ZNF761: variants seen among roughly 807,000 people sequenced by gnomAD.
ZNF761 encodes zinc finger protein 761.
Under a neutral mutation model 59.9 loss-of-function variants are expected in ZNF761, and 43 were observed. That is an observed-to-expected ratio of 0.72 (90% CI 0.56 to 0.92). The LOEUF (loss-of-function observed/expected upper bound fraction) is 0.92, where lower values mean the gene tolerates loss of function less well. Among genes scored for constraint, ZNF761 ranks in the 40% least tolerant of loss-of-function variants. The probability of loss-of-function intolerance (pLI) is 0.00; values close to 1 mark genes in which losing one functional copy is unlikely to be tolerated. For synonymous variants in ZNF761, 294 were observed against 304.8 expected (o/e 0.96, Z 0.37); for missense variants, 850 against 906.1 (o/e 0.94, Z 0.79).
In ZNF761 at chr19:53,456,675, G is replaced by A; in HGVS notation, c.2168G>A (p.Cys723Tyr). The change falls in exon 5 of 5, where the codon TGT becomes TAT. Residue 723 changes from cysteine to tyrosine, a missense_variant. Cys to Tyr is a radical substitution (Grantham distance 194). Transcript: ENST00000684525. Reference sequence around the variant, plus strand: ...GAGAAACCTTACAAGTGTAATGAGTGTGGCAAGACCTTTAGTCAGAAGTCA... The same window carrying A: ...GAGAAACCTTACAAGTGTAATGAGTATGGCAAGACCTTTAGTCAGAAGTCA... ...TGEKPYKCNE[C>Y]GKTFSQKSNL... 6.2e-7 allele frequency: 1 copy of A among 1,614,010 alleles called. No homozygotes were observed. The highest frequency in any genetic ancestry group is 1.1e-5 in the South Asian group (1 of 91,068).
chr19:53,456,376 C>G lies in ZNF761; in HGVS notation c.1869C>G (p.Cys623Trp), dbSNP rs530565925. 2.5e-6 allele frequency: 4 copies of G among 1,614,000 alleles called. No homozygotes were observed. Among genetic ancestry groups the G allele is most frequent in the Non-Finnish European group, 2.5e-6 (3 of 1,179,958 alleles). The change falls in exon 5 of 5, where the codon TGC becomes TGG. Residue 623 changes from cysteine to tryptophan, a missense_variant. Cys to Trp is a radical substitution (Grantham distance 215). Coordinates refer to ENST00000684525, the MANE Select transcript of ZNF761 (RefSeq NM_001289951.2). ...TCAGTCGGACGTCATCCCTTACATG[C>G]CATCGTAGACTTCATACCGGAGAGA... Reference protein sequence around the residue: ...KTFSRTSSLTCHRRLHTGEKP... With the variant: ...KTFSRTSSLTWHRRLHTGEKP...
chr19:53,444,315 G>T (rs1284610165), intron 1 of ZNF761: 1 of 152,218 alleles, frequency 6.6e-6, no homozygotes, highest in Non-Finnish European at 1.5e-5. Context: ...AAACCTGATT[G>T]TACATTCTAT....
rs951030903 is a variant in ZNF761, at chr19:53,456,954, AAGAC to A, written c.*209_*212del. On this transcript the variant is annotated 3_prime_UTR_variant, in exon 5 of 5. Transcript: ENST00000684525. ...TTTACAGTCGCACATCAAACCGTGA[AAGAC>A]AGGAGAATTCATACTGGAGAGAAAC... The A allele has an allele frequency of 2.2e-5, 16 of 717,720 alleles. No individual in the cohort carries two copies. In the East Asian group the frequency reaches 3.0e-4, roughly 13 times the overall value. The allele number at this position is 717,720 out of a possible 1,614,324, so 44.5% of individuals were successfully genotyped here.
chr19:53,450,748 G>A (rs1457001646), intron 4 of ZNF761, among the ~76,000 whole-genome samples: 2 of 152,102 alleles, frequency 1.3e-5, no homozygotes, highest in African/African-American at 4.8e-5. Context: ...TGTAATCCCA[G>A]CACTTTGGGA....
chr19:53,438,994 C>T (rs1015905184), intron 1 of ZNF761, among the ~76,000 whole-genome samples: 70 of 152,010 alleles, frequency 4.6e-4, no homozygotes, highest in African/African-American at 1.6e-3. Context: ...TGGGAGAGAA[C>T]GGGGCATGGT....
chr19:53,442,446 C>A (rs1183398983), intron 1 of ZNF761: 5 of 829,646 alleles, frequency 6.0e-6, no homozygotes, highest in Non-Finnish European at 1.0e-5. Flanking sequence ...TACTGATAAT[C>A]TCAAGGAGGC....
At chr19:53,452,837 C>T (rs1334845745) in intron 4 of ZNF761, among the ~76,000 whole-genome samples, 2 of 152,254 alleles carry the variant, frequency 1.3e-5, no homozygotes, top group African/African-American at 2.4e-5. Flanking sequence ...TCAAAGGCCC[C>T]ATCTGCAGAA....
At chr19:53,445,514 T>A (rs1221712038) in intron 1 of ZNF761, among the ~76,000 whole-genome samples, 3 of 151,740 alleles carry the variant, frequency 2.0e-5, no homozygotes, top group African/African-American at 7.3e-5. Flanking sequence ...CCAGTGAGCC[T>A]CCCTGCAACT....
chr19:53,441,453 G>GT (rs71185882), intron 1 of ZNF761, among the ~76,000 whole-genome samples: 99 of 144,532 alleles, frequency 6.8e-4, no homozygotes, highest in East Asian at 2.3e-3. Flanking sequence ...TTTGTTTTTT[G>GT]TTTTTTTTTT....
At position 53,456,466 on chromosome 19, in the gene ZNF761, G is replaced by C; in HGVS notation, c.1959G>C (p.Arg653Ser). 6.2e-7 allele frequency: 1 copy of C among 1,612,070 alleles called. No homozygotes were observed. The highest frequency in any genetic ancestry group is 2.2e-5 in the East Asian group (1 of 44,620). Reference protein sequence around the residue: ...FRVKSNLEGHRRIHTGEKPYK... With the variant: ...FRVKSNLEGHSRIHTGEKPYK... ...TGAAATCAAACCTTGAAGGACATAG[G>C]AGAATTCATACTGGAGAGAAACCTT... is the stretch of plus-strand genomic sequence containing the variant. The change falls in exon 5 of 5, where the codon AGG becomes AGC. Residue 653 changes from arginine to serine, a missense_variant. Arg to Ser is a moderately radical substitution (Grantham distance 110). Transcript: ENST00000684525.
intron 1 of ZNF761, among the ~76,000 whole-genome samples, 185 bp from the exon 2 acceptor site, chr19:53,446,042 C>G (rs539793256): frequency 2.0e-5 from 3 of 152,308 alleles, no homozygotes; most frequent in Admixed American, 2.0e-4. Context: ...CTGCTCTTAC[C>G]CTATGTCCCT....
chr19:53,446,015 G>A (rs1331659229), intron 1 of ZNF761, among the ~76,000 whole-genome samples: 2 of 152,130 alleles, frequency 1.3e-5, no homozygotes, highest in Non-Finnish European at 2.9e-5. Flanking sequence ...AACCCTTCCT[G>A]TCTCAGGTTG....
At chr19:53,454,296 C>CT (rs1244404818) in intron 4 of ZNF761, among the ~76,000 whole-genome samples, 1 of 152,130 alleles carries the variant, frequency 6.6e-6, no homozygotes, top group East Asian at 1.9e-4. Context: ...AGTAAATATG[C>CT]TGTAAATATG....
intron 1 of ZNF761, among the ~76,000 whole-genome samples, chr19:53,434,343 C>A (rs1459209906): frequency 2.0e-5 from 3 of 152,018 alleles, no homozygotes; most frequent in Non-Finnish European, 4.4e-5. Flanking sequence ...CTCCCTGTTG[C>A]AGTGGGAGTA....
chr19:53,433,804 A>G (rs1228810295), intron 1 of ZNF761, among the ~76,000 whole-genome samples: 4 of 152,196 alleles, frequency 2.6e-5, no homozygotes, highest in Non-Finnish European at 5.9e-5. Flanking sequence ...AACTACTCCT[A>G]TTAAGGTTTT....
intron 1 of ZNF761, among the ~76,000 whole-genome samples, chr19:53,441,534 C>T (rs2086100661): frequency 6.6e-6 from 1 of 151,486 alleles, no homozygotes; most frequent in African/African-American, 2.4e-5. Context: ...GCAACCTCTG[C>T]CTCCTGGTTT....
intron 1 of ZNF761, among the ~76,000 whole-genome samples, chr19:53,439,565 A>T (rs543169599): frequency 6.6e-6 from 1 of 152,254 alleles, no homozygotes; most frequent in East Asian, 1.9e-4. Context: ...CCAGACAGAT[A>T]ACAAAAGAAA....
At chr19:53,451,605 T>C (rs1198477833) in intron 4 of ZNF761, among the ~76,000 whole-genome samples, 1 of 151,918 alleles carries the variant, frequency 6.6e-6, no homozygotes, top group Non-Finnish European at 1.5e-5. Flanking sequence ...TTTTTTAAGA[T>C]GGAGTCTCGG....
chr19:53,445,700 TTTAA>T (rs1004066562), intron 1 of ZNF761, among the ~76,000 whole-genome samples: 1 of 152,112 alleles, frequency 6.6e-6, no homozygotes, highest in African/African-American at 2.4e-5. Context: ...AAAAAAATTT[TTTAA>T]AAAAACGTGA....
Sources: gnomAD v4.1 joint callset for allele counts (sites outside exome capture counted in the v4.1 genomes callset) on GRCh38, gnomAD v4.1.1 for gene constraint, MANE v1.5 for transcripts, NCBI Gene and HGNC (gene_info 2026-07-23, HGNC 2026-07-21) for gene names.